ARG2: variants seen among roughly 807,000 people sequenced by gnomAD.
The protein encoded by ARG2 is arginase-2, mitochondrial.
ARG2 carries 21 observed loss-of-function variants against 39.4 expected under a neutral mutation model. The observed-to-expected ratio is 0.53, with a 90% CI of 0.38 to 0.77. The LOEUF (loss-of-function observed/expected upper bound fraction) is 0.77, where lower values mean the gene tolerates loss of function less well. ARG2 is among the 30% of genes least tolerant of loss of function. The pLI, the probability that ARG2 is intolerant of heterozygous loss-of-function variation, is 0.00. For synonymous variants in ARG2, 150 were observed against 156.7 expected (o/e 0.96, Z 0.32); for missense variants, 378 against 426.2 (o/e 0.89, Z 1.00).
chr14:67,643,765 T>C (rs1198816827), intron 3 of ARG2, among the ~76,000 whole-genome samples: 1 of 148,812 alleles, frequency 6.7e-6, no homozygotes, highest in Non-Finnish European at 1.5e-5. Context: ...TTATTTTCCC[T>C]GAGGTGCTGA....
chr14:67,624,261 C>A (rs2036840231), intron 2 of ARG2, among the ~76,000 whole-genome samples: 1 of 148,166 alleles, frequency 6.7e-6, no homozygotes, highest in Non-Finnish European at 1.5e-5. Context: ...GAAATTTGCA[C>A]TTTAATGGGA....
At chr14:67,636,887 G>C (rs137914241) in intron 2 of ARG2, among the ~76,000 whole-genome samples, 10 of 152,190 alleles carry the variant, frequency 6.6e-5, no homozygotes, top group Non-Finnish European at 8.8e-5. Flanking sequence ...TTAGAAGAAA[G>C]AGCAGCAATG....
In ARG2 at chr14:67,650,633, G is replaced by T. The variant is rs1343266107; in HGVS notation, c.860-82G>T. 3.0e-6 allele frequency: 4 copies of T among 1,322,606 alleles called. No individual in the cohort carries two copies. The East Asian group carries it at 9.3e-5, about 31-fold the overall frequency. 81.9% of individuals were successfully genotyped at this position (1,322,606 alleles called of 1,614,324 possible). A position where few individuals can be genotyped will look rare whatever the true frequency, so the allele number is the denominator to read the frequency against. On this transcript the variant is annotated intron_variant, in intron 7 of 7. Coordinates refer to ENST00000261783, the MANE Select transcript of ARG2 (RefSeq NM_001172.4). ...TGGACTCTTGTTTTTACTTTGGCTT[G>T]TTCTCCCTGTCCCAGTGGGATGACC... is the stretch of plus-strand genomic sequence containing the variant.
At chr14:67,632,793 G>A (rs939786092) in intron 2 of ARG2, among the ~76,000 whole-genome samples, 27 of 142,674 alleles carry the variant, frequency 1.9e-4, no homozygotes, top group African/African-American at 6.7e-4. Flanking sequence ...TCAACAGGGA[G>A]AATTAAGCCT....
At chr14:67,641,241 C>A (rs1052063830) in intron 2 of ARG2, among the ~76,000 whole-genome samples, 1 of 152,076 alleles carries the variant, frequency 6.6e-6, no homozygotes, top group African/African-American at 2.4e-5. Flanking sequence ...GTATGAAACA[C>A]AAGTTTTGTG....
At chr14:67,641,670 T>C (rs1225254272) in intron 2 of ARG2, among the ~76,000 whole-genome samples, 1 of 152,214 alleles carries the variant, frequency 6.6e-6, no homozygotes, top group Non-Finnish European at 1.5e-5. Context: ...GCCAGGCAGG[T>C]GGCTCATGCC....
chr14:67,621,916 G>T (rs2036814828), intron 2 of ARG2, among the ~76,000 whole-genome samples: 1 of 151,838 alleles, frequency 6.6e-6, no homozygotes, highest in African/African-American at 2.4e-5. Flanking sequence ...GACCAATATG[G>T]CGAAATCCCT....
At chr14:67,645,311 GCTTAA>G (rs954370113) in intron 3 of ARG2, among the ~76,000 whole-genome samples, 11 of 151,960 alleles carry the variant, frequency 7.2e-5, no homozygotes, top group Admixed American at 4.6e-4. Flanking sequence ...ATCTTGTCTG[GCTTAA>G]CTTGATTTCA....
At chr14:67,621,431 C>T (rs1380527813) in intron 2 of ARG2, among the ~76,000 whole-genome samples, 1 of 151,726 alleles carries the variant, frequency 6.6e-6, no homozygotes, top group Non-Finnish European at 1.5e-5. Context: ...AACTAATAGG[C>T]TTAGATCTAT....
Position 67,651,176 on chromosome 14 carries a change from T to A in ARG2, c.*256T>A, listed in dbSNP as rs1004687117. On this transcript the variant is annotated 3_prime_UTR_variant, in exon 8 of 8. Transcript: ENST00000261783. ...TAAAGAAGTCATAAACAGCATTTAT[T>A]ACCTTGGTATATCATACTGGTCTTG... The A allele has an allele frequency of 7.9e-6, 8 of 1,015,070 alleles. No individual in the cohort carries two copies. In the South Asian group the frequency reaches 1.0e-4, roughly 13 times the overall value. 62.9% of individuals were successfully genotyped at this position (1,015,070 alleles called of 1,614,324 possible). A position where few individuals can be genotyped will look rare whatever the true frequency, so the allele number is the denominator to read the frequency against.
intron 2 of ARG2, among the ~76,000 whole-genome samples, chr14:67,627,974 G>C (rs140033299): frequency 1.3e-5 from 2 of 152,290 alleles, no homozygotes; most frequent in East Asian, 3.9e-4. Context: ...AAGAGTAAAT[G>C]TCTAGCAAAT....
In ARG2 at chr14:67,651,270, A is replaced by G; in HGVS notation, c.*350A>G. 1 of 1,582,318 alleles carries G rather than the reference A, an allele frequency of 6.3e-7. No individual in the cohort carries two copies. The highest frequency in any genetic ancestry group is 8.6e-7 in the Non-Finnish European group (1 of 1,164,952). On this transcript the variant is annotated 3_prime_UTR_variant, in exon 8 of 8. Transcript: ENST00000261783. ...CCCTCCTCCCACAGCCTGGCTATAC[A>G]GTGCATCCTTGAACTGTCAGCCCAC...
At chr14:67,631,434 C>CTTTTTTT (rs1319430069) in intron 2 of ARG2, among the ~76,000 whole-genome samples, 3 of 113,130 alleles carry the variant, frequency 2.7e-5, no homozygotes, top group South Asian at 2.8e-4. Flanking sequence ...TTCTTTCTTT[C>CTTTTTTT]TTTTTTTTTT....
chr14:67,627,256 GATATATATATAT>G (rs3070464), intron 2 of ARG2, among the ~76,000 whole-genome samples: 1 of 133,750 alleles, frequency 7.5e-6, no homozygotes, highest in Non-Finnish European at 1.6e-5. Flanking sequence ...TCAGTAAGGA[GATATATATATAT>G]ATATATATAT....
chr14:67,646,982 A>T lies in ARG2; in HGVS notation c.679A>T (p.Ile227Phe), dbSNP rs1292507725. 1 of 1,613,208 alleles carries T rather than the reference A, an allele frequency of 6.2e-7. No individual in the cohort carries two copies. Among genetic ancestry groups the T allele is most frequent in the South Asian group, 1.1e-5 (1 of 91,058 alleles). Reference sequence around the variant, plus strand: ...CATGAGAGATATTGATCGACTTGGTATCCAGAAGGTCATGGAACGAACATT... The same window carrying T: ...CATGAGAGATATTGATCGACTTGGTTTCCAGAAGGTCATGGAACGAACATT... ...FSMRDIDRLG[I>F]QKVMERTFDL... The change falls in exon 6 of 8, where the codon ATC becomes TTC. Residue 227 changes from isoleucine to phenylalanine, a missense_variant. By Grantham distance (21) the Ile-to-Phe change is conservative. Coordinates refer to ENST00000261783, the MANE Select transcript of ARG2 (RefSeq NM_001172.4).
intron 2 of ARG2, among the ~76,000 whole-genome samples, chr14:67,623,225 A>G (rs2036829124): frequency 6.6e-6 from 1 of 152,222 alleles, no homozygotes; most frequent in South Asian, 2.1e-4. Context: ...ATCTCCTGGA[A>G]TATATTGGAG....
intron 2 of ARG2, among the ~76,000 whole-genome samples, chr14:67,622,493 G>C (rs997658487): frequency 2.0e-5 from 3 of 152,116 alleles, no homozygotes; most frequent in South Asian, 2.1e-4. Flanking sequence ...CTTTACTAAG[G>C]CCTCTCTTAG....
chr14:67,643,529 A>G (rs2140771106), intron 3 of ARG2, among the ~76,000 whole-genome samples: 1 of 152,308 alleles, frequency 6.6e-6, no homozygotes, highest in African/African-American at 2.4e-5. Flanking sequence ...ACAGATATAT[A>G]AGAACTTATC....
At chr14:67,639,359 G>A (rs2037006302) in intron 2 of ARG2, among the ~76,000 whole-genome samples, 4 of 152,104 alleles carry the variant, frequency 2.6e-5, no homozygotes, top group Admixed American at 2.6e-4. Flanking sequence ...GAATGAAAGT[G>A]CTTGGCAAAT....
Sources: allele counts gnomAD v4.1 joint callset (sites outside exome capture counted in the v4.1 genomes callset), GRCh38; gene constraint gnomAD v4.1.1; transcripts MANE v1.5; gene names NCBI Gene and HGNC (gene_info 2026-07-23, HGNC 2026-07-21).